The following NTRK3 variants were observed in gnomAD, a reference collection of about 807,000 sequenced individuals.
NTRK3 encodes the protein neurotrophic receptor tyrosine kinase 3, also known as NT-3 growth factor receptor.
In NTRK3, 24 loss-of-function variants were observed where a neutral mutation model predicts 91.7. The ratio of observed to expected loss-of-function variants is 0.26; its 90% confidence interval spans 0.19 to 0.37. The LOEUF is 0.37. Ranked by LOEUF, NTRK3 falls within the 10% of genes least tolerant of loss-of-function variation. The pLI, the probability that NTRK3 is intolerant of heterozygous loss-of-function variation, is 1.00. For missense variants in NTRK3, 880 were observed against 1,068.9 expected (o/e 0.82, Z 2.46); for synonymous variants, 483 against 404.0 (o/e 1.20, Z -2.34).
At chr15:88,065,545 C>G (rs546637854) in intron 13 of NTRK3, among the ~76,000 whole-genome samples, 5 of 152,046 alleles carry the variant, frequency 3.3e-5, no homozygotes, top group Non-Finnish European at 7.4e-5. Context: ...TGGGCAGATA[C>G]CCCAGAATAT....
intron 5 of NTRK3, among the ~76,000 whole-genome samples, chr15:88,152,648 G>A (rs11853998): frequency 6.6e-6 from 1 of 152,194 alleles, no homozygotes. Flanking sequence ...AGTTCTAGCA[G>A]CAATTGCAAA....
At chr15:87,941,967 C>T (rs1339652323) in intron 14 of NTRK3, among the ~76,000 whole-genome samples, 2 of 152,192 alleles carry the variant, frequency 1.3e-5, no homozygotes, top group Non-Finnish European at 1.5e-5. Flanking sequence ...TTATCCCAAG[C>T]GACTTTGTCG....
intron 6 of NTRK3, among the ~76,000 whole-genome samples, chr15:88,140,748 T>C (rs1014821559): frequency 2.0e-5 from 3 of 152,218 alleles, no homozygotes; most frequent in Non-Finnish European, 4.4e-5. Flanking sequence ...TCAGTGTTAC[T>C]ATGAAAACAG....
chr15:88,147,424 G>C (rs766997429), intron 5 of NTRK3, 21 bp from the exon 6 acceptor site: 2 of 1,609,944 alleles, frequency 1.2e-6, no homozygotes, highest in East Asian at 4.5e-5. Flanking sequence ...GACAAATAAA[G>C]GGAAATTTTA....
intron 6 of NTRK3, among the ~76,000 whole-genome samples, chr15:88,140,895 G>T (rs765504952): frequency 1.6e-4 from 24 of 152,176 alleles, no homozygotes; most frequent in Admixed American, 2.6e-4. Context: ...AGAAGATCCA[G>T]TTAACATCAC....
At chr15:87,980,127 G>C (rs1210845170) in intron 14 of NTRK3, among the ~76,000 whole-genome samples, 1 of 152,168 alleles carries the variant, frequency 6.6e-6, no homozygotes, top group Non-Finnish European at 1.5e-5. Context: ...AAATACCCTG[G>C]AGGAGTAACA....
intron 13 of NTRK3, among the ~76,000 whole-genome samples, chr15:88,094,205 G>A (rs1011482008): frequency 4.6e-5 from 7 of 152,200 alleles, no homozygotes; most frequent in South Asian, 2.1e-4. Flanking sequence ...GGTGGCTCAC[G>A]CCTGTAATCC....
intron 13 of NTRK3, among the ~76,000 whole-genome samples, chr15:88,036,542 AG>A (rs2079087054): frequency 6.6e-6 from 1 of 152,194 alleles, no homozygotes; most frequent in Admixed American, 6.5e-5. Context: ...CAGCAAAACA[AG>A]GGGGCAAGCA....
At chr15:87,869,309 C>G (rs931137046) in exon 19 of NTRK3, 1 of 230,306 alleles carries the variant, frequency 4.3e-6, no homozygotes, top group South Asian at 1.8e-4. Flanking sequence ...TGGGCCACCA[C>G]GGGTTCCAGA....
chr15:88,010,818 A>C (rs1001063980), intron 14 of NTRK3, among the ~76,000 whole-genome samples: 15 of 152,008 alleles, frequency 9.9e-5, no homozygotes. Flanking sequence ...AGCCGGGCTA[A>C]TTGTACCACT....
intron 14 of NTRK3, among the ~76,000 whole-genome samples, chr15:87,945,039 C>G: frequency 6.6e-6 from 1 of 152,192 alleles, no homozygotes; most frequent in East Asian, 1.9e-4. Context: ...GCTGGCCCAG[C>G]AGAGTCTGGG....
chr15:88,086,342 G>C (rs2048496136), intron 13 of NTRK3, among the ~76,000 whole-genome samples: 1 of 152,158 alleles, frequency 6.6e-6, no homozygotes, highest in African/African-American at 2.4e-5. Flanking sequence ...GCTGGTCTAA[G>C]CTGAGATGTG....
chr15:87,912,247 C>T (rs936167927), intron 17 of NTRK3, among the ~76,000 whole-genome samples: 7 of 152,186 alleles, frequency 4.6e-5, no homozygotes, highest in African/African-American at 1.4e-4. Flanking sequence ...GCCACAAAGC[C>T]TTATTAGAAA....
chr15:88,106,993 C>G (rs1282769311), intron 13 of NTRK3, among the ~76,000 whole-genome samples: 2 of 151,374 alleles, frequency 1.3e-5, no homozygotes, highest in Admixed American at 1.3e-4. Context: ...TCTACAGTTA[C>G]ATAGATATAT....
intron 17 of NTRK3, among the ~76,000 whole-genome samples, chr15:87,896,053 C>T (rs2066104021): frequency 6.6e-6 from 1 of 152,080 alleles, no homozygotes; most frequent in Non-Finnish European, 1.5e-5. Flanking sequence ...TGTCTCATGC[C>T]TCCCTAAAAG....
chr15:87,861,801 A>G, exon 19 of NTRK3: 1 of 199,462 alleles, frequency 5.0e-6, no homozygotes, highest in Middle Eastern at 1.7e-3. Flanking sequence ...ATCTTTATAA[A>G]ATTGTATTCG....
chr15:88,165,765 C>T (rs1021795737), intron 5 of NTRK3, among the ~76,000 whole-genome samples: 5 of 152,154 alleles, frequency 3.3e-5, no homozygotes, highest in African/African-American at 7.2e-5. Context: ...TTCAAGGTCA[C>T]GAAGCTGGTA....
At chr15:87,999,509 A>G (rs1360015131) in intron 14 of NTRK3, among the ~76,000 whole-genome samples, 1 of 152,208 alleles carries the variant, frequency 6.6e-6, no homozygotes, top group African/African-American at 2.4e-5. Flanking sequence ...TTGCAATGAA[A>G]TGGGATGTCA....
intron 14 of NTRK3, among the ~76,000 whole-genome samples, chr15:88,001,833 C>T (rs2076117563): frequency 6.6e-6 from 1 of 152,046 alleles, no homozygotes; most frequent in Non-Finnish European, 1.5e-5. Context: ...TCTGGATTTT[C>T]CTATAGGTTT....
Sources: gnomAD v4.1 joint callset for allele counts (sites outside exome capture counted in the v4.1 genomes callset) on GRCh38, gnomAD v4.1.1 for gene constraint, MANE v1.5 for transcripts, NCBI Gene and HGNC (gene_info 2026-07-23, HGNC 2026-07-21) for gene names.